Variants in ADGRL3 observed in about 807,000 individuals in gnomAD.
ADGRL3 encodes adhesion G protein-coupled receptor L3.
Under a neutral mutation model 153.5 loss-of-function variants are expected in ADGRL3, and 62 were observed. That is an observed-to-expected ratio of 0.40 (90% CI 0.33 to 0.50). The LOEUF (loss-of-function observed/expected upper bound fraction) is 0.50, where lower values mean the gene tolerates loss of function less well. Among genes scored for constraint, ADGRL3 ranks in the 20% least tolerant of loss-of-function variants. The pLI is 0.47. For synonymous variants in ADGRL3, 710 were observed against 672.5 expected (o/e 1.06, Z -0.86); for missense variants, 1,641 against 1,859.4 (o/e 0.88, Z 2.16).
intron 14 of ADGRL3, among the ~76,000 whole-genome samples, chr4:61,935,580 T>A (rs1187938128): frequency 6.6e-6 from 1 of 152,144 alleles, no homozygotes; most frequent in East Asian, 1.9e-4. Flanking sequence ...AATATTGATA[T>A]GATAGTACAG....
intron 2 of ADGRL3, among the ~76,000 whole-genome samples, chr4:61,386,512 A>C (rs1331486938): frequency 6.6e-6 from 1 of 152,180 alleles, no homozygotes. Context: ...GGTTTTGTTC[A>C]GCAGGGTTTA....
intron 1 of ADGRL3, among the ~76,000 whole-genome samples, chr4:61,340,847 A>AT (rs1560494594): frequency 1.6e-3 from 242 of 150,304 alleles, no homozygotes; most frequent in African/African-American, 5.1e-3. Flanking sequence ...TATATATATA[A>AT]AATATTATAC....
intron 2 of ADGRL3, among the ~76,000 whole-genome samples, chr4:61,449,333 C>T (rs1014275975): frequency 1.3e-5 from 2 of 151,962 alleles, no homozygotes; most frequent in African/African-American, 4.8e-5. Flanking sequence ...GACGGGGTTT[C>T]ACCATGTTGT....
At position 61,337,305 on chromosome 4, in the gene ADGRL3, G is replaced by C. The variant is rs140069465; in HGVS notation, c.-239-45819G>C. On this transcript the variant is annotated intron_variant, in intron 1 of 26. Coordinates refer to ENST00000683033, the MANE Select transcript of ADGRL3 (RefSeq NM_001387552.1). Reference sequence around the variant, plus strand: ...TTGAGGTCATTTTGAGAATACAGCTGAATGACAGACAAGTGTCAGCAGACA... The same window carrying C: ...TTGAGGTCATTTTGAGAATACAGCTCAATGACAGACAAGTGTCAGCAGACA... Among the ~76,000 whole-genome samples the C allele has an allele frequency of 7.4e-4, 112 of 152,268 alleles. 1 individual carries two copies. The Middle Eastern group carries it at 0.024, about 32-fold the overall frequency.
At chr4:61,594,794 A>T (rs1444586920) in intron 5 of ADGRL3, among the ~76,000 whole-genome samples, 1 of 152,104 alleles carries the variant, frequency 6.6e-6, no homozygotes, top group African/African-American at 2.4e-5. Flanking sequence ...GTGTCCAGAG[A>T]TGCTGTCTGG....
chr4:61,229,778 G>T (rs1202880312), intron 1 of ADGRL3, among the ~76,000 whole-genome samples: 1 of 151,998 alleles, frequency 6.6e-6, no homozygotes, highest in African/African-American at 2.4e-5. Context: ...GTGGTGGCAT[G>T]TGCCTGTAGT....
chr4:61,519,766 A>G (rs1402759668), intron 4 of ADGRL3, among the ~76,000 whole-genome samples: 3 of 152,150 alleles, frequency 2.0e-5, no homozygotes, highest in Non-Finnish European at 4.4e-5. Flanking sequence ...AGTGAATTCA[A>G]GTTCTCACCT....
At chr4:61,911,829 G>T (rs1351257536) in intron 12 of ADGRL3, among the ~76,000 whole-genome samples, 2 of 151,534 alleles carry the variant, frequency 1.3e-5, no homozygotes, top group African/African-American at 4.9e-5. Flanking sequence ...AACAATCAAG[G>T]CTACTGAGGA....
intron 5 of ADGRL3, among the ~76,000 whole-genome samples, chr4:61,608,638 T>C (rs1052972015): frequency 6.6e-6 from 1 of 152,210 alleles, no homozygotes; most frequent in East Asian, 1.9e-4. Context: ...ATAATAAGAA[T>C]GAGGAAGTAA....
At chr4:61,491,283 A>G (rs928714359) in intron 2 of ADGRL3, among the ~76,000 whole-genome samples, 1 of 152,144 alleles carries the variant, frequency 6.6e-6, no homozygotes, top group African/African-American at 2.4e-5. Context: ...AATATTGTAA[A>G]ATAATGGAAA....
At chr4:61,752,717 G>T (rs1184004681) in intron 8 of ADGRL3, among the ~76,000 whole-genome samples, 1 of 152,158 alleles carries the variant, frequency 6.6e-6, no homozygotes. Context: ...TGGATTGCTT[G>T]AGCCCAGGAG....
intron 24 of ADGRL3, among the ~76,000 whole-genome samples, chr4:62,040,738 A>C (rs527453783): frequency 1.8e-3 from 268 of 152,244 alleles, no homozygotes; most frequent in African/African-American, 6.3e-3. Flanking sequence ...TATTAATAAC[A>C]AACAACCCAA....
At chr4:61,608,494 G>GA (rs1391889624) in intron 5 of ADGRL3, among the ~76,000 whole-genome samples, 9 of 151,256 alleles carry the variant, frequency 6.0e-5, no homozygotes, top group African/African-American at 1.9e-4. Context: ...AATGCAAAAG[G>GA]AAAAAAAAGC....
chr4:61,959,356 A>G (rs2098979516), intron 17 of ADGRL3, among the ~76,000 whole-genome samples: 1 of 152,182 alleles, frequency 6.6e-6, no homozygotes, highest in Admixed American at 6.5e-5. Flanking sequence ...GATAATACAA[A>G]AAGTCTGCCT....
At chr4:61,317,713 A>C (rs947060693) in intron 1 of ADGRL3, among the ~76,000 whole-genome samples, 3 of 152,144 alleles carry the variant, frequency 2.0e-5, no homozygotes, top group Non-Finnish European at 4.4e-5. Flanking sequence ...ACAGAGGCTG[A>C]AGATTGTAGC....
At chr4:61,504,509 A>G (rs1176194018) in intron 3 of ADGRL3, among the ~76,000 whole-genome samples, 1 of 152,184 alleles carries the variant, frequency 6.6e-6, no homozygotes. Context: ...TAGGAATATT[A>G]CAATTCTACT....
At chr4:61,815,694 G>A (rs984786194) in intron 9 of ADGRL3, among the ~76,000 whole-genome samples, 23 of 152,296 alleles carry the variant, frequency 1.5e-4, no homozygotes, top group African/African-American at 4.8e-4. Flanking sequence ...ATTAAGAGGT[G>A]GACATTTAGG....
At chr4:61,750,074 CTA>C (rs1580616546) in intron 8 of ADGRL3, among the ~76,000 whole-genome samples, 1 of 147,002 alleles carries the variant, frequency 6.8e-6, no homozygotes, top group African/African-American at 2.5e-5. Flanking sequence ...TGCCACTATT[CTA>C]TGTTCTGTGG....
chr4:61,946,192 G>A (rs896696834), intron 15 of ADGRL3, among the ~76,000 whole-genome samples: 2 of 152,088 alleles, frequency 1.3e-5, no homozygotes, highest in African/African-American at 2.4e-5. Context: ...AGAAGCGTAC[G>A]AGAGTTCCAT....
Sources: gnomAD v4.1 joint callset for allele counts (sites outside exome capture counted in the v4.1 genomes callset) on GRCh38, gnomAD v4.1.1 for gene constraint, MANE v1.5 for transcripts, NCBI Gene and HGNC (gene_info 2026-07-23, HGNC 2026-07-21) for gene names.